Variants in RAB3C observed in about 807,000 individuals in gnomAD.
RAB3C encodes RAB3C, member RAS oncogene family.
In RAB3C, 17 loss-of-function variants were observed where a neutral mutation model predicts 26.4. The observed-to-expected ratio is 0.64, with a 90% CI of 0.44 to 0.97. RAB3C has a LOEUF of 0.97. RAB3C is among the 50% of genes least tolerant of loss of function. The pLI is 0.00. For missense variants in RAB3C, 242 were observed against 281.9 expected (o/e 0.86, Z 1.01); for synonymous variants, 91 against 95.9 (o/e 0.95, Z 0.30).
intron 3 of RAB3C, among the ~76,000 whole-genome samples, chr5:58,811,674 T>G (rs1390331451): frequency 6.6e-6 from 1 of 152,018 alleles, no homozygotes; most frequent in African/African-American, 2.4e-5. Flanking sequence ...CAGAGCTGGC[T>G]GGGAGGCCAG....
chr5:58,847,312 T>C (rs1258833550), intron 4 of RAB3C, among the ~76,000 whole-genome samples: 2 of 152,206 alleles, frequency 1.3e-5, no homozygotes, highest in African/African-American at 2.4e-5. Flanking sequence ...TGTGTGACTT[T>C]GGGCTACTTA....
intron 4 of RAB3C, among the ~76,000 whole-genome samples, chr5:58,830,197 G>A (rs1363909): frequency 0.54 from 82,142 of 152,090 alleles, 22,580 homozygotes; most frequent in Middle Eastern, 0.71. Flanking sequence ...CAAGGAAATA[G>A]TCTCTTGAAG....
At chr5:58,672,584 G>A (rs1377851158) in intron 2 of RAB3C, among the ~76,000 whole-genome samples, 2 of 152,092 alleles carry the variant, frequency 1.3e-5, no homozygotes, top group Non-Finnish European at 2.9e-5. Flanking sequence ...TCTAATTCAT[G>A]CCTCTTATTG....
At chr5:58,815,566 G>C (rs1743197385) in intron 3 of RAB3C, among the ~76,000 whole-genome samples, 1 of 152,176 alleles carries the variant, frequency 6.6e-6, no homozygotes, top group African/African-American at 2.4e-5. Context: ...AAGGTTCTGT[G>C]GAAGAAGCTG....
At chr5:58,719,130 C>G (rs1383081970) in intron 2 of RAB3C, among the ~76,000 whole-genome samples, 6 of 151,924 alleles carry the variant, frequency 3.9e-5, no homozygotes, top group African/African-American at 1.4e-4. Flanking sequence ...GGAACAGTAT[C>G]TCAATCATTT....
chr5:58,605,898 T>A (rs981328269), intron 1 of RAB3C, among the ~76,000 whole-genome samples: 11 of 151,976 alleles, frequency 7.2e-5, no homozygotes, highest in Non-Finnish European at 1.3e-4. Flanking sequence ...AGAGTGAAAC[T>A]CCATCTCAAA....
chr5:58,656,102 A>T (rs748415008), intron 2 of RAB3C, among the ~76,000 whole-genome samples: 10 of 152,128 alleles, frequency 6.6e-5, no homozygotes, highest in Non-Finnish European at 1.0e-4. Flanking sequence ...TAACTCTTAC[A>T]TGGTTGATAA....
chr5:58,651,777 G>A (rs925821072), intron 2 of RAB3C, among the ~76,000 whole-genome samples: 1 of 152,092 alleles, frequency 6.6e-6, no homozygotes, highest in African/African-American at 2.4e-5. Context: ...CTGAGGACTG[G>A]TTCCAGGACC....
At position 58,809,689 on chromosome 5, in the gene RAB3C, CT is replaced by C. The variant is rs201468788; in HGVS notation, c.372-15348del. On this transcript the variant is annotated intron_variant, in intron 3 of 4. Coordinates refer to ENST00000282878, the MANE Select transcript of RAB3C (RefSeq NM_138453.4). ...TAAACACGGTCATGTGGGTGCCCCC[CT>C]GACACACACCACTGTGGGATTAGTG... 5.7e-3 allele frequency among the ~76,000 whole-genome samples: 875 copies of C among 152,224 alleles called. 10 individuals are homozygous for C. The highest frequency in any genetic ancestry group is 0.018 in the African/African-American group (741 of 41,518).
At chr5:58,599,696 T>C (rs770589297) in intron 1 of RAB3C, among the ~76,000 whole-genome samples, 6 of 151,348 alleles carry the variant, frequency 4.0e-5, no homozygotes, top group Non-Finnish European at 8.8e-5. Flanking sequence ...TTTTCTTTTT[T>C]TTTTCTTTTT....
chr5:58,821,745 G>T (rs1421451261), intron 3 of RAB3C, among the ~76,000 whole-genome samples: 3 of 152,102 alleles, frequency 2.0e-5, no homozygotes, highest in Admixed American at 6.5e-5. Flanking sequence ...AGATGTACTT[G>T]GTTCAGGGGA....
chr5:58,673,372 C>G (rs752134552), intron 2 of RAB3C, among the ~76,000 whole-genome samples: 14 of 151,968 alleles, frequency 9.2e-5, no homozygotes, highest in Non-Finnish European at 1.8e-4. Context: ...TCTTCCCCAT[C>G]AAGCCTGGTC....
chr5:58,813,593 TATATATATATATA>T (rs775824331), intron 3 of RAB3C, among the ~76,000 whole-genome samples: 68 of 91,756 alleles, frequency 7.4e-4, no homozygotes, highest in East Asian at 1.6e-3. Flanking sequence ...TATTTATATT[TATATATATATATA>T]TATATATATA....
intron 2 of RAB3C, among the ~76,000 whole-genome samples, chr5:58,650,325 T>C (rs79087773): frequency 4.6e-5 from 7 of 151,718 alleles, no homozygotes; most frequent in Admixed American, 1.3e-4. Flanking sequence ...TCAGAGTCTA[T>C]GAAGAAGGAG....
chr5:58,656,009 TC>T (rs1747764293), intron 2 of RAB3C, among the ~76,000 whole-genome samples: 1 of 151,822 alleles, frequency 6.6e-6, no homozygotes, highest in South Asian at 2.1e-4. Flanking sequence ...GTGGTCTCGA[TC>T]TCCTGACCTC....
At chr5:58,831,762 T>C (rs1197746612) in intron 4 of RAB3C, among the ~76,000 whole-genome samples, 1 of 151,806 alleles carries the variant, frequency 6.6e-6, no homozygotes, top group East Asian at 1.9e-4. Flanking sequence ...TGCTTATTTC[T>C]CAAAAAAATA....
chr5:58,672,314 G>A (rs956096396), intron 2 of RAB3C, among the ~76,000 whole-genome samples: 1 of 152,160 alleles, frequency 6.6e-6, no homozygotes, highest in African/African-American at 2.4e-5. Context: ...CTGCTCCACA[G>A]CACTCTCTCC....
chr5:58,614,448 T>C (rs1746781629), intron 1 of RAB3C, among the ~76,000 whole-genome samples: 1 of 151,856 alleles, frequency 6.6e-6, no homozygotes, highest in African/African-American at 2.4e-5. Context: ...CTTTGTGGAA[T>C]CTTATTAGGT....
At position 58,617,648 on chromosome 5, in the gene RAB3C, C is replaced by A; in HGVS notation, c.30C>A (p.Ala10=). The change falls in exon 2 of 5, where the codon GCC becomes GCA. Residue 10 remains alanine, a synonymous_variant. Transcript: ENST00000282878. ...TTGTTTTGTTTTTATCACAGATGGC[C>A]TCTGCCCAAGATGCCAGGTACGGCC... is the stretch of plus-strand genomic sequence containing the variant. MRHEAPMQM[A]SAQDARYGQK... is the part of the protein sequence containing the mutation. 1 of 1,611,772 alleles carries A rather than the reference C, an allele frequency of 6.2e-7. No homozygotes were observed. The highest frequency in any genetic ancestry group is 8.5e-7 in the Non-Finnish European group (1 of 1,178,004).
Sources: allele counts gnomAD v4.1 joint callset (sites outside exome capture counted in the v4.1 genomes callset), GRCh38; gene constraint gnomAD v4.1.1; transcripts MANE v1.5; gene names NCBI Gene and HGNC (gene_info 2026-07-23, HGNC 2026-07-21).